CFAP97D2: variants seen among roughly 807,000 people sequenced by gnomAD.
CFAP97D2 encodes the protein uncharacterized protein CFAP97D2.
intron 3 of CFAP97D2, among the ~76,000 whole-genome samples, chr13:114,208,895 G>C (rs974806579): frequency 6.6e-6 from 1 of 152,150 alleles, no homozygotes; most frequent in East Asian, 1.9e-4. Flanking sequence ...CACAAGATGC[G>C]AGTTCTCCCT....
chr13:114,188,419 T>C (rs182030380), intron 1 of CFAP97D2, among the ~76,000 whole-genome samples: 1 of 152,196 alleles, frequency 6.6e-6, no homozygotes, highest in Admixed American at 6.5e-5. Flanking sequence ...TTTAGGGCAT[T>C]GAATGCATAT....
chr13:114,212,458 AACCCCCAGC>A (rs1226063013), intron 4 of CFAP97D2, among the ~76,000 whole-genome samples: 2 of 152,208 alleles, frequency 1.3e-5, no homozygotes, highest in Non-Finnish European at 2.9e-5. Context: ...TCACGTCTAT[AACCCCCAGC>A]ACTTTGGGAG....
chr13:114,198,673 C>G (rs112285285), intron 2 of CFAP97D2, among the ~76,000 whole-genome samples: 16,320 of 74,682 alleles, frequency 0.22, 3,638 homozygotes, highest in African/African-American at 0.24. Context: ...CCCGCTGAGG[C>G]GTGACAGTGG....
At chr13:114,197,690 T>G (rs1320887004) in intron 2 of CFAP97D2, among the ~76,000 whole-genome samples, 2 of 144,960 alleles carry the variant, frequency 1.4e-5, no homozygotes, top group Admixed American at 1.3e-4. Context: ...GTTTTGGGTT[T>G]GTTTGTTTTT....
chr13:114,210,825 G>C (rs1468138575), intron 3 of CFAP97D2, among the ~76,000 whole-genome samples: 11 of 150,430 alleles, frequency 7.3e-5, no homozygotes, highest in African/African-American at 2.2e-4. Context: ...GTCACTCCCA[G>C]GGTTAAATGA....
At chr13:114,191,045 C>A (rs1226442179) in intron 1 of CFAP97D2, among the ~76,000 whole-genome samples, 1 of 152,182 alleles carries the variant, frequency 6.6e-6, no homozygotes, top group South Asian at 2.1e-4. Context: ...GGAATCCAGA[C>A]ACAGACCTTA....
chr13:114,206,559 G>T (rs1393154465), intron 3 of CFAP97D2, among the ~76,000 whole-genome samples: 3 of 152,206 alleles, frequency 2.0e-5, no homozygotes, highest in Non-Finnish European at 4.4e-5. Flanking sequence ...CATGCTAAGT[G>T]AAAGAAGGCA....
intron 1 of CFAP97D2, 37 bp from the exon 2 acceptor site, chr13:114,196,359 T>A (rs554116501): frequency 5.0e-6 from 2 of 399,582 alleles, no homozygotes; most frequent in African/African-American, 4.1e-5. Flanking sequence ...CTGTTTCCAA[T>A]ACTGCGCCCA....
intron 2 of CFAP97D2, 139 bp downstream of exon 2, chr13:114,196,615 C>T (rs958981195): frequency 2.5e-6 from 1 of 395,306 alleles, no homozygotes; most frequent in Non-Finnish European, 4.5e-6. Flanking sequence ...GATTAATTAG[C>T]CCCGTCTGTC....
At chr13:114,206,622 G>GA (rs1430475240) in intron 3 of CFAP97D2, among the ~76,000 whole-genome samples, 2 of 152,232 alleles carry the variant, frequency 1.3e-5, no homozygotes, top group Non-Finnish European at 2.9e-5. Flanking sequence ...CAAATCTATA[G>GA]AAACAGAAAG....
At chr13:114,208,642 T>C (rs2080952322) in intron 3 of CFAP97D2, among the ~76,000 whole-genome samples, 1 of 152,166 alleles carries the variant, frequency 6.6e-6, no homozygotes, top group Non-Finnish European at 1.5e-5. Flanking sequence ...TTGCCTCCAA[T>C]TATAATGGAA....
At chr13:114,212,032 G>A in exon 4 of CFAP97D2, 1 of 398,686 alleles carries the variant, frequency 2.5e-6, no homozygotes. Context: ...TGAAGACTGG[G>A]GCAGGGCTGA....
At chr13:114,193,640 T>C (rs2080876610) in intron 1 of CFAP97D2, among the ~76,000 whole-genome samples, 1 of 152,242 alleles carries the variant, frequency 6.6e-6, no homozygotes, top group South Asian at 2.1e-4. Flanking sequence ...CAGTGGATAT[T>C]AAGTTTCCAA....
intron 4 of CFAP97D2, among the ~76,000 whole-genome samples, chr13:114,216,200 T>C (rs2080992550): frequency 6.6e-6 from 1 of 152,198 alleles, no homozygotes; most frequent in South Asian, 2.1e-4. Flanking sequence ...TCTGCGACAC[T>C]CCTTCTCCAG....
At chr13:114,196,654 A>T (rs1397359655) in intron 2 of CFAP97D2, among the ~76,000 whole-genome samples, 178 bp downstream of exon 2, 1 of 152,226 alleles carries the variant, frequency 6.6e-6, no homozygotes, top group Non-Finnish European at 1.5e-5. Context: ...TAATTGGAGC[A>T]GAAATCTTTC....
chr13:114,206,413 T>C (rs1362693687), intron 3 of CFAP97D2, among the ~76,000 whole-genome samples: 2 of 152,218 alleles, frequency 1.3e-5, no homozygotes, highest in African/African-American at 4.8e-5. Flanking sequence ...AGTAGCTTTT[T>C]TTAAATAAAT....
rs1185545217 is a variant in CFAP97D2 at position 114,207,178 on chromosome 13, G to A, written c.291-4734G>A. ...CTGCTCCCCTGCCGCTGCAAGGGCAGCACCATGCAGGGCACACAGAAAGTC... is the reference window on the plus strand; with the variant it reads ...CTGCTCCCCTGCCGCTGCAAGGGCAACACCATGCAGGGCACACAGAAAGTC... On this transcript the variant is annotated intron_variant, in intron 3 of 4. Coordinates refer to ENST00000646158, the Ensembl canonical transcript of CFAP97D2. The surrounding 1 kb of genome is among the most constrained non-coding windows in gnomAD (Gnocchi z 4.9). Among the ~76,000 whole-genome samples, 1 of 152,214 alleles carries A rather than the reference G, an allele frequency of 6.6e-6. No homozygotes were observed. Among genetic ancestry groups the A allele is most frequent in the Non-Finnish European group, 1.5e-5 (1 of 68,034 alleles).
At chr13:114,184,878 C>T (rs539297680) in intron 1 of CFAP97D2, among the ~76,000 whole-genome samples, 40 of 152,322 alleles carry the variant, frequency 2.6e-4, no homozygotes, top group African/African-American at 9.1e-4. Context: ...TTGTTCAAAA[C>T]CATAATTACT....
In CFAP97D2 at chr13:114,179,418, AAGGT is replaced by A; in HGVS notation, c.90+2_90+5del. ...GAAAGCCTATCAGGACCACAGGAGA[AAGGT>A]AGGAAAGTCCCCAATCCAGCCCTGA... On this transcript the variant is annotated splice_donor_variant and coding_sequence_variant, in exon 1 of 5. Transcript: ENST00000646158. LOFTEE classifies it high-confidence loss of function. The surrounding 1 kb of genome is among the most constrained non-coding windows in gnomAD (Gnocchi z 4.8). 1 of 398,582 alleles carries A rather than the reference AAGGT, an allele frequency of 2.5e-6. No individual in the cohort carries two copies. The highest frequency in any genetic ancestry group is 4.4e-6 in the Non-Finnish European group (1 of 226,046). 24.7% of individuals were successfully genotyped at this position (398,582 alleles called of 1,614,324 possible).
Sources: allele counts gnomAD v4.1 joint callset (sites outside exome capture counted in the v4.1 genomes callset), GRCh38; gene constraint gnomAD v4.1.1; non-coding constraint Gnocchi (gnomAD v3.1); transcripts MANE v1.5; gene names NCBI Gene and HGNC (gene_info 2026-07-23, HGNC 2026-07-21).